Variants in WWC1 observed in about 807,000 individuals in gnomAD.
The protein encoded by WWC1 is WW and C2 domain containing 1.
A neutral mutation model predicts 138.4 loss-of-function variants in WWC1; 55 were observed. The ratio of observed to expected loss-of-function variants is 0.40; its 90% confidence interval spans 0.32 to 0.50. WWC1 has a LOEUF of 0.50. Among genes scored for constraint, WWC1 ranks in the 20% least tolerant of loss-of-function variants. WWC1 has a pLI of 0.72. For synonymous variants in WWC1, 524 were observed against 564.9 expected (o/e 0.93, Z 1.03); for missense variants, 1,226 against 1,420.4 (o/e 0.86, Z 2.20).
chr5:168,414,763 C>T, intron 9 of WWC1, 173 bp downstream of exon 9: 1 of 995,706 alleles, frequency 1.0e-6, no homozygotes, highest in Non-Finnish European at 1.4e-6. Context: ...GATGGTTTGC[C>T]ATCCAGTGCG....
At chr5:168,422,563 C>A (rs1016326727) in intron 10 of WWC1, among the ~76,000 whole-genome samples, 1 of 151,824 alleles carries the variant, frequency 6.6e-6, no homozygotes, top group Admixed American at 6.6e-5. Context: ...TACCGTGAGC[C>A]GAGATTGTGC....
At chr5:168,380,842 A>G (rs1777573625) in intron 2 of WWC1, among the ~76,000 whole-genome samples, 1 of 152,234 alleles carries the variant, frequency 6.6e-6, no homozygotes, top group Non-Finnish European at 1.5e-5. Flanking sequence ...AGATACAGCA[A>G]TAGGAATGAG....
At chr5:168,399,601 T>C in intron 5 of WWC1, 34 bp downstream of exon 5, 1 of 1,606,748 alleles carries the variant, frequency 6.2e-7, no homozygotes, top group Admixed American at 1.7e-5. Flanking sequence ...GCATGGGGGC[T>C]GCTCCCCACC....
Position 168,414,589 on chromosome 5 carries a change from A to G in WWC1, c.1183A>G (p.Arg395Gly). 1.3e-6 allele frequency: 2 copies of G among 1,550,936 alleles called. No individual in the cohort carries two copies. Among genetic ancestry groups the G allele is most frequent in the Non-Finnish European group, 1.7e-6 (2 of 1,147,640 alleles). ...RDTQSKALTERLKLNSKRNQL... is the reference protein window; with the variant it reads ...RDTQSKALTEGLKLNSKRNQL... Reference sequence around the variant, plus strand: ...CACCCAGAGCAAGGCGCTGACGGAGAGGTGGGGCTGGGGCCCCAGGGTGTG... The same window carrying G: ...CACCCAGAGCAAGGCGCTGACGGAGGGGTGGGGCTGGGGCCCCAGGGTGTG... The change falls in exon 9 of 23, where the codon AGG becomes GGG. Residue 395 changes from arginine to glycine, a missense_variant and splice_region_variant. By Grantham distance (125) the Arg-to-Gly change is moderately radical (BLOSUM62 -2). This residue lies in a region of WWC1 where 1,016 missense variants were observed against 1,153.9 expected (regional missense o/e 0.88). Transcript: ENST00000265293.
rs144635519 is a variant in WWC1 at position 168,426,499 on chromosome 5, A to G, written c.1811-1534A>G. ...ATGGCATTTCCTTCATGCCATCTCCAGAAGCCTTCCCTGCAGCAAGCAATG... is the reference window on the plus strand; with the variant it reads ...ATGGCATTTCCTTCATGCCATCTCCGGAAGCCTTCCCTGCAGCAAGCAATG... On this transcript the variant is annotated intron_variant, in intron 11 of 22. Transcript: ENST00000265293. Among the ~76,000 whole-genome samples the G allele has an allele frequency of 8.0e-3, 1,213 of 152,332 alleles. 10 individuals are homozygous for G. Among genetic ancestry groups the G allele is most frequent in the Admixed American group, 0.014 (214 of 15,304 alleles).
Position 168,469,068 on chromosome 5 carries a change from C to T in WWC1, c.*51C>T. The T allele has an allele frequency of 6.2e-7, 1 of 1,605,258 alleles. No homozygotes were observed. The highest frequency in any genetic ancestry group is 8.5e-7 in the Non-Finnish European group (1 of 1,172,054). On this transcript the variant is annotated 3_prime_UTR_variant, in exon 23 of 23. Transcript: ENST00000265293. ...CCACTGACCAGGCTGTGAACATTGA[C>T]TGTGGCTAAAGTTATTTATGTGGTG...
At chr5:168,387,551 G>A (rs1334017492) in intron 3 of WWC1, among the ~76,000 whole-genome samples, 2 of 152,166 alleles carry the variant, frequency 1.3e-5, no homozygotes, top group South Asian at 4.1e-4. Context: ...TGGCTTAAAC[G>A]TTACACATTT....
intron 1 of WWC1, among the ~76,000 whole-genome samples, chr5:168,310,969 T>G (rs1393373677): frequency 6.6e-6 from 1 of 152,176 alleles, no homozygotes; most frequent in Non-Finnish European, 1.5e-5. Flanking sequence ...TTAAACTGAA[T>G]AAATAAAGTA....
At chr5:168,376,680 G>C (rs1304629239) in intron 2 of WWC1, among the ~76,000 whole-genome samples, 1 of 132,250 alleles carries the variant, frequency 7.6e-6, no homozygotes, top group Non-Finnish European at 1.6e-5. Context: ...CCCATTTACA[G>C]TAGCCACACA....
At chr5:168,430,560 A>G (rs1459792572) in intron 14 of WWC1, among the ~76,000 whole-genome samples, 2 of 152,214 alleles carry the variant, frequency 1.3e-5, no homozygotes, top group Non-Finnish European at 2.9e-5. Flanking sequence ...CTCATGGAGA[A>G]GAATGGTCAC....
At chr5:168,371,864 A>G (rs554807566) in intron 2 of WWC1, among the ~76,000 whole-genome samples, 2 of 152,214 alleles carry the variant, frequency 1.3e-5, no homozygotes, top group East Asian at 3.9e-4. Flanking sequence ...GTATGTGTAT[A>G]TATGCACATA....
chr5:168,431,472 G>A, intron 15 of WWC1, 28 bp downstream of exon 15: 1 of 1,501,300 alleles, frequency 6.7e-7, no homozygotes, highest in Non-Finnish European at 9.0e-7. Flanking sequence ...CTGGCTGGCT[G>A]GCTGGCTGGC....
Position 168,306,779 on chromosome 5 carries a change from T to C in WWC1, c.119+14508T>C, listed in dbSNP as rs181047130. Among the ~76,000 whole-genome samples, 671 of 152,178 alleles carry C rather than the reference T, an allele frequency of 4.4e-3. 3 individuals carry two copies. Among genetic ancestry groups the C allele is most frequent in the Non-Finnish European group, 7.5e-3 (508 of 68,000 alleles). ...ACCCAGCTAATTTTTGTATTTTTAG[T>C]AGAGATGGGGTTTCGCCATGTTGGC... is the stretch of plus-strand genomic sequence containing the variant. On this transcript the variant is annotated intron_variant, in intron 1 of 22. Coordinates refer to ENST00000265293, the MANE Select transcript of WWC1 (RefSeq NM_015238.3).
intron 12 of WWC1, among the ~76,000 whole-genome samples, 152 bp from the exon 13 acceptor site, chr5:168,428,554 TA>T (rs200234598): frequency 4.6e-5 from 7 of 152,038 alleles, no homozygotes; most frequent in Non-Finnish European, 7.4e-5. Flanking sequence ...CCCCCATCTC[TA>T]AAAAAAATTT....
intron 1 of WWC1, among the ~76,000 whole-genome samples, chr5:168,367,254 CCTT>C (rs1776365588): frequency 6.6e-6 from 1 of 152,192 alleles, no homozygotes; most frequent in African/African-American, 2.4e-5. Flanking sequence ...TCTCATTTCA[CCTT>C]CTGTATCTCT....
chr5:168,304,435 A>G (rs1581863984), intron 1 of WWC1, among the ~76,000 whole-genome samples: 1 of 152,226 alleles, frequency 6.6e-6, no homozygotes, highest in African/African-American at 2.4e-5. Flanking sequence ...ACAAACATTT[A>G]CCAGCAGCCA....
chr5:168,319,163 T>C (rs1260709119), intron 1 of WWC1, among the ~76,000 whole-genome samples: 3 of 152,124 alleles, frequency 2.0e-5, no homozygotes, highest in African/African-American at 7.2e-5. Flanking sequence ...CTCACGCCTC[T>C]AATCCCAGCA....
At chr5:168,460,389 G>C (rs1180539165) in intron 19 of WWC1, among the ~76,000 whole-genome samples, 2 of 152,220 alleles carry the variant, frequency 1.3e-5, no homozygotes, top group African/African-American at 4.8e-5. Flanking sequence ...TGGGGTTGTT[G>C]GAAAGGTTCA....
chr5:168,434,722 G>A (rs1782224601), intron 15 of WWC1, among the ~76,000 whole-genome samples: 1 of 152,206 alleles, frequency 6.6e-6, no homozygotes, highest in African/African-American at 2.4e-5. Flanking sequence ...CAGGTTTGGA[G>A]GAATACACAG....
Sources: gnomAD v4.1 joint callset for allele counts (sites outside exome capture counted in the v4.1 genomes callset) on GRCh38, gnomAD v4.1.1 for gene constraint, gnomAD v4.1.1 regional missense constraint, MANE v1.5 for transcripts, NCBI Gene and HGNC (gene_info 2026-07-23, HGNC 2026-07-21) for gene names.